Variants in DBN1 observed in about 807,000 individuals in gnomAD.
The protein encoded by DBN1 is drebrin.
A neutral mutation model predicts 83.5 loss-of-function variants in DBN1; 21 were observed. That is an observed-to-expected ratio of 0.25 (90% CI 0.18 to 0.36). DBN1 has a LOEUF of 0.36. Ranked by LOEUF, DBN1 falls within the 10% of genes least tolerant of loss-of-function variation. The pLI, the probability that DBN1 is intolerant of heterozygous loss-of-function variation, is 1.00. For synonymous variants in DBN1, 381 were observed against 384.9 expected, an observed-to-expected ratio of 0.99 and a Z score of 0.12; for missense variants, 874 against 935.7, an observed-to-expected ratio of 0.93 and a Z score of 0.86.
chr5:177,472,448 G>C lies in DBN1; in HGVS notation c.86+988C>G. ...TTAAAGGATTCCAGGATGGGGCTGT[G>C]AGGAACCCCTCGGTTTCCTTTTTCC... On this transcript the variant is annotated intron_variant, in intron 1 of 14. Coordinates refer to ENST00000393565, the MANE Select transcript of DBN1 (RefSeq NM_001363541.2). 9 of 1,336,704 alleles carry C rather than the reference G, an allele frequency of 6.7e-6. No homozygotes were observed. The South Asian group carries it at 1.6e-4, about 24-fold the overall frequency. 82.8% of individuals were successfully genotyped at this position (1,336,704 alleles called of 1,614,324 possible).
chr5:177,457,586 G>A (rs1756609395), intron 14 of DBN1, 69 bp downstream of exon 14: 3 of 1,520,448 alleles, frequency 2.0e-6, no homozygotes, highest in Non-Finnish European at 2.7e-6. Context: ...GGTAGTGGTG[G>A]GGTGGCTACC....
chr5:177,470,140 A>T (rs544803875), intron 1 of DBN1, among the ~76,000 whole-genome samples: 1 of 152,270 alleles, frequency 6.6e-6, no homozygotes, highest in African/African-American at 2.4e-5. Context: ...TACCTCCAGG[A>T]AGGAACACAG....
chr5:177,458,320 G>T lies in DBN1; in HGVS notation c.1652C>A (p.Thr551Asn). Reference protein sequence around the residue: ...APTPPSGTEVTLAEVPLLDEV... With the variant: ...APTPPSGTEVNLAEVPLLDEV... ...ATCCAGCAGGGGCACCTCTGCCAGG[G>T]TGACCTCAGTACCCGAGGGTGGCGT... Residue 551 changes from threonine to asparagine, a missense_variant, in exon 13 of 15, where the codon ACC becomes AAC. By Grantham distance (65) the Thr-to-Asn change is moderately conservative. Transcript: ENST00000393565. The T allele has an allele frequency of 1.2e-6, 2 of 1,613,388 alleles. No individual in the cohort carries two copies. The highest frequency in any genetic ancestry group is 2.2e-5 in the South Asian group (2 of 91,062).
intron 1 of DBN1, chr5:177,472,715 T>A (rs765119577): frequency 1.1e-6 from 1 of 880,626 alleles, no homozygotes; most frequent in African/African-American, 1.8e-5. Flanking sequence ...GGCAGCTCGG[T>A]GCCCCCCAGC....
rs1172349465 is a variant in DBN1 at position 177,462,404 on chromosome 5, G to A, written c.772-1701C>T. 7.1e-6 allele frequency: 7 copies of A among 985,472 alleles called. No homozygotes were observed. In the African/African-American group the frequency reaches 1.0e-4, roughly 15 times the overall value. The allele number at this position is 985,472 out of a possible 1,614,324, so 61.0% of individuals were successfully genotyped here. A position where few individuals can be genotyped will look rare whatever the true frequency, so the allele number is the denominator to read the frequency against. ...AGCTGCAGCGTGGCCACTGCTTCCTGGGGAAGGACCTCTGAACAAGAGGCT... is the reference window on the plus strand; with the variant it reads ...AGCTGCAGCGTGGCCACTGCTTCCTAGGGAAGGACCTCTGAACAAGAGGCT... On this transcript the variant is annotated intron_variant, in intron 8 of 14. Coordinates refer to ENST00000393565, the MANE Select transcript of DBN1 (RefSeq NM_001363541.2).
At chr5:177,472,706 G>A (rs546843141) in intron 1 of DBN1, 371 of 814,566 alleles carry the variant, frequency 4.6e-4, no homozygotes, top group Non-Finnish European at 5.4e-4. Flanking sequence ...GGCCCCTTAG[G>A]CAGCTCGGTG....
Position 177,473,515 on chromosome 5 carries a change from C to T in DBN1, c.7G>A (p.Gly3Ser). The part of the protein sequence containing the change: MA[G>S]VSFSGHRLEL... ...AGGCGGTGGCCGCTGAAGCTGACGC[C>T]GGCCATGCTTCGGGCCGGACCGGGC... Residue 3 changes from glycine to serine, a missense_variant, in exon 1 of 15, where the codon GGC becomes AGC. Physicochemically the swap from Gly to Ser is moderately conservative, Grantham distance 56. Transcript: ENST00000393565. 1 of 1,425,686 alleles carries T rather than the reference C, an allele frequency of 7.0e-7. No individual in the cohort carries two copies. The highest frequency in any genetic ancestry group is 9.2e-7 in the Non-Finnish European group (1 of 1,081,298). The allele number at this position is 1,425,686 out of a possible 1,614,324, so 88.3% of individuals were successfully genotyped here.
chr5:177,470,552 G>A (rs551627376), intron 1 of DBN1, among the ~76,000 whole-genome samples: 8 of 152,214 alleles, frequency 5.3e-5, no homozygotes, highest in African/African-American at 1.9e-4. Flanking sequence ...GGACCACCCT[G>A]TCCACACCAC....
In DBN1 at chr5:177,458,502, C is replaced by T. The variant is rs1361919294; in HGVS notation, c.1470G>A (p.Thr490=). 7 of 1,613,754 alleles carry T rather than the reference C, an allele frequency of 4.3e-6. No individual in the cohort carries two copies. Among genetic ancestry groups the T allele is most frequent in the East Asian group, 2.2e-5 (1 of 44,884 alleles). ...APVEPATADA[T]EIHDAADTIE... ...TGGTGTCAGCTGCATCGTGGATCTC[C>T]GTGGCGTCAGCTGTGGCAGGCTCCA... Residue 490 remains threonine (T), a synonymous_variant, in exon 13 of 15, where the codon ACG becomes ACA. Transcript: ENST00000393565.
intron 1 of DBN1, among the ~76,000 whole-genome samples, chr5:177,470,706 C>G (rs1757782117): frequency 6.6e-6 from 1 of 152,184 alleles, no homozygotes; most frequent in African/African-American, 2.4e-5. Flanking sequence ...TGGAATGCTT[C>G]CGTTCTTCAG....
At chr5:177,471,134 TGGGGTGAGCTGGGATGG>T (rs1217800970) in intron 1 of DBN1, among the ~76,000 whole-genome samples, 1 of 150,990 alleles carries the variant, frequency 6.6e-6, no homozygotes, top group Non-Finnish European at 1.5e-5. Context: ...CCAGAGACCC[TGGGGTGAGCTGGGATGG>T]GGGGTGAGCT....
In DBN1 at chr5:177,459,312, G is replaced by A. The variant is rs183235683; in HGVS notation, c.1094-44C>T. On this transcript the variant is annotated intron_variant, in intron 11 of 14. Coordinates refer to ENST00000393565, the MANE Select transcript of DBN1 (RefSeq NM_001363541.2). ...GTGGGTCAGTGAGGGCGGGGGAGCCGGGTGAGACAGGATTGTCCACCTTGG... is the reference window on the plus strand; with the variant it reads ...GTGGGTCAGTGAGGGCGGGGGAGCCAGGTGAGACAGGATTGTCCACCTTGG... 364 of 1,587,120 alleles carry A rather than the reference G, an allele frequency of 2.3e-4. 3 individuals carry two copies. The South Asian group carries it at 3.8e-3, about 16-fold the overall frequency.
At chr5:177,457,898 A>T (rs1756654103) in intron 13 of DBN1, 141 bp from the exon 14 acceptor site, 1 of 840,002 alleles carries the variant, frequency 1.2e-6, no homozygotes, top group Non-Finnish European at 1.8e-6. Flanking sequence ...TGGGAACAAA[A>T]GCAGAGCCGG....
rs370914620 is a variant in DBN1 at position 177,459,887 on chromosome 5, C to T, written c.956-147G>A. 10 of 886,668 alleles carry T rather than the reference C, an allele frequency of 1.1e-5. No homozygotes were observed. The East Asian group carries it at 1.1e-4, about 10-fold the overall frequency. The allele number at this position is 886,668 out of a possible 1,614,324, so 54.9% of individuals were successfully genotyped here. A position where few individuals can be genotyped will look rare whatever the true frequency, so the allele number is the denominator to read the frequency against. The stretch of plus-strand genomic sequence containing the variant: ...CAGGGGCACAATCAGCCAAGCCAGC[C>T]GCAGCCTCACACCAGCCCCAGACAC... On this transcript the variant is annotated intron_variant, in intron 10 of 14. Transcript: ENST00000393565.
intron 2 of DBN1, 52 bp from the exon 3 acceptor site, chr5:177,468,272 A>G (rs766168666): frequency 2.6e-6 from 4 of 1,526,994 alleles, no homozygotes; most frequent in Non-Finnish European, 2.7e-6. Flanking sequence ...ACCCTTCCCA[A>G]AAAGAGCCTG....
At chr5:177,468,431 T>G in intron 2 of DBN1, 1 of 592,708 alleles carries the variant, frequency 1.7e-6, no homozygotes, top group Non-Finnish European at 3.0e-6. Flanking sequence ...CTGCAGGGCC[T>G]GATTTGGGGG....
rs201250241 is a variant in DBN1 at position 177,458,416 on chromosome 5, G to A, written c.1556C>T (p.Thr519Ile). 1.1e-5 allele frequency: 18 copies of A among 1,614,092 alleles called. No homozygotes were observed. Among genetic ancestry groups the A allele is most frequent in the Middle Eastern group, 1.6e-4 (1 of 6,084 alleles). ...TVANNVPPAA[T>I]SLIDLWPGNG... Reference sequence around the variant, plus strand: ...GCCAGGCCATAGGTCAATGAGGCTGGTGGCGGCGGGGGGTACGTTGTTGGC... The same window carrying A: ...GCCAGGCCATAGGTCAATGAGGCTGATGGCGGCGGGGGGTACGTTGTTGGC... The change falls in exon 13 of 15, where the codon ACC (threonine) becomes ATC (isoleucine). Residue 519 changes from threonine (T) to isoleucine (I), a missense_variant. Thr to Ile is a moderately conservative substitution (Grantham distance 89). Transcript: ENST00000393565.
intron 1 of DBN1, chr5:177,472,099 C>G (rs778697597): frequency 5.0e-6 from 8 of 1,599,584 alleles, no homozygotes; most frequent in Admixed American, 1.7e-5. Context: ...GAGCCTGTGC[C>G]GGCCTCTCCT....
intron 2 of DBN1, 90 bp from the exon 3 acceptor site, chr5:177,468,310 C>T: frequency 8.7e-7 from 1 of 1,145,186 alleles, no homozygotes; most frequent in Non-Finnish European, 1.3e-6. Context: ...TCCTCCAGGC[C>T]TCCACAGGCA....
Sources: allele counts gnomAD v4.1 joint callset (sites outside exome capture counted in the v4.1 genomes callset), GRCh38; gene constraint gnomAD v4.1.1; transcripts MANE v1.5; gene names NCBI Gene and HGNC (gene_info 2026-07-23, HGNC 2026-07-21).